The following ANK1 variants were observed in gnomAD, a reference collection of about 807,000 sequenced individuals.
The protein encoded by ANK1 is ankyrin-1.
ANK1 carries 51 observed loss-of-function variants against 210.4 expected under a neutral mutation model. The observed-to-expected ratio is 0.24, with a 90% CI of 0.19 to 0.31. The LOEUF is 0.31. Among genes scored for constraint, ANK1 ranks in the 10% least tolerant of loss-of-function variants. ANK1 has a pLI of 1.00. For missense variants in ANK1, 2,051 were observed against 2,504.4 expected (o/e 0.82, Z 3.86); for synonymous variants, 967 against 1,025.9 (o/e 0.94, Z 1.10).
At chr8:41,857,162 G>A (rs911509938) in intron 1 of ANK1, among the ~76,000 whole-genome samples, 9 of 146,112 alleles carry the variant, frequency 6.2e-5, no homozygotes, top group Non-Finnish European at 1.3e-4. Context: ...TTACAGGCAT[G>A]AGCTACCACT....
intron 1 of ANK1, among the ~76,000 whole-genome samples, chr8:41,849,456 A>G (rs920207993): frequency 2.0e-5 from 3 of 152,096 alleles, no homozygotes; most frequent in Non-Finnish European, 2.9e-5. Flanking sequence ...CCCGGGAGGC[A>G]GAGACTGCAG....
intron 1 of ANK1, among the ~76,000 whole-genome samples, chr8:41,785,915 C>A (rs1293967776): frequency 6.6e-6 from 1 of 152,218 alleles, no homozygotes; most frequent in Non-Finnish European, 1.5e-5. Flanking sequence ...GCTTTCCGCA[C>A]TGTCGGGCAG....
At chr8:41,763,899 T>G (rs1446904477) in intron 1 of ANK1, among the ~76,000 whole-genome samples, 1 of 124,604 alleles carries the variant, frequency 8.0e-6, no homozygotes, top group Non-Finnish European at 1.7e-5. Context: ...CTTTTTTTTT[T>G]TTTTTTTTTT....
chr8:41,856,222 A>G (rs1018758535), intron 1 of ANK1, among the ~76,000 whole-genome samples: 1 of 152,184 alleles, frequency 6.6e-6, no homozygotes, highest in Non-Finnish European at 1.5e-5. Flanking sequence ...GAACTTCTTG[A>G]GAGCTATTTG....
chr8:41,709,995 CATT>C (rs750315770), intron 16 of ANK1, among the ~76,000 whole-genome samples: 1 of 152,218 alleles, frequency 6.6e-6, no homozygotes, highest in Non-Finnish European at 1.5e-5. Context: ...GTTTGCAAGA[CATT>C]ATAATTGCAC....
intron 24 of ANK1, among the ~76,000 whole-genome samples, chr8:41,697,206 T>C (rs1176866385): frequency 6.6e-6 from 1 of 152,212 alleles, no homozygotes; most frequent in African/African-American, 2.4e-5. Context: ...GCGGACTACC[T>C]GCCCTGTGGA....
rs1804740495 is a variant in ANK1 at position 41,653,543 on chromosome 8, G to C, written c.*2247C>G. ...GTGCCAAAGCGGAGTCTGGAGCTGC[G>C]GGGTCCGCGGGGGCGCTAAGGGGGC... On this transcript the variant is annotated 3_prime_UTR_variant, in exon 43 of 43. Transcript: ENST00000289734. The C allele has an allele frequency of 6.5e-6, 1 of 153,258 alleles. No homozygotes were observed. The highest frequency in any genetic ancestry group is 1.5e-5 in the Non-Finnish European group (1 of 68,540). The allele number at this position is 153,258 out of a possible 1,614,324, so 9.5% of individuals were successfully genotyped here.
intron 1 of ANK1, among the ~76,000 whole-genome samples, chr8:41,782,504 GGGAGCAGCGTAC>G: frequency 6.6e-6 from 1 of 152,236 alleles, no homozygotes; most frequent in South Asian, 2.1e-4. Context: ...ATTTCCCAGA[GGGAGCAGCGTAC>G]GGACTGAGTG....
intron 2 of ANK1, among the ~76,000 whole-genome samples, chr8:41,755,738 C>T (rs1838976147): frequency 6.6e-6 from 1 of 152,182 alleles, no homozygotes; most frequent in South Asian, 2.1e-4. Flanking sequence ...TTGCTGCATC[C>T]ACCTCTTGGC....
intron 23 of ANK1, 108 bp from the exon 24 acceptor site, chr8:41,698,229 G>T: frequency 9.0e-7 from 1 of 1,110,894 alleles, no homozygotes; most frequent in South Asian, 1.3e-5. Flanking sequence ...TCCAGAGCCT[G>T]ACTGCGCTTC....
intron 37 of ANK1, among the ~76,000 whole-genome samples, 184 bp from the exon 38 acceptor site, chr8:41,673,096 C>T (rs1051164015): frequency 2.6e-5 from 4 of 152,144 alleles, no homozygotes; most frequent in Non-Finnish European, 5.9e-5. Context: ...GTGGCTGCTG[C>T]CTGGGCATCC....
intron 29 of ANK1, 133 bp from the exon 30 acceptor site, chr8:41,693,334 A>G (rs987885700): frequency 1.5e-5 from 11 of 728,198 alleles, no homozygotes; most frequent in Admixed American, 4.2e-5. Flanking sequence ...TGGGCACCCT[A>G]CCCTCACCCC....
At chr8:41,807,913 A>G (rs1223879243) in intron 1 of ANK1, among the ~76,000 whole-genome samples, 4 of 135,396 alleles carry the variant, frequency 3.0e-5, no homozygotes, top group Non-Finnish European at 6.3e-5. Context: ...AGGAAGGGGG[A>G]CAAAAGAAGG....
At chr8:41,814,174 A>T (rs1214122300) in intron 1 of ANK1, among the ~76,000 whole-genome samples, 1 of 152,146 alleles carries the variant, frequency 6.6e-6, no homozygotes, top group Non-Finnish European at 1.5e-5. Flanking sequence ...AGCCTGGCCA[A>T]CATGGTGAAA....
chr8:41,765,850 C>T (rs1029189203), intron 1 of ANK1, among the ~76,000 whole-genome samples: 4 of 152,120 alleles, frequency 2.6e-5, no homozygotes, highest in African/African-American at 9.7e-5. Flanking sequence ...AAGCACGCTG[C>T]AGAATGTCAA....
At chr8:41,895,905 C>CCCCT (rs1563982135) in intron 1 of ANK1, among the ~76,000 whole-genome samples, 1 of 150,926 alleles carries the variant, frequency 6.6e-6, no homozygotes, top group African/African-American at 2.5e-5. Flanking sequence ...AGAGCTGCCC[C>CCCCT]CCCCCGGCCC....
rs530300128 is a variant in ANK1 at position 41,735,291 on chromosome 8, G to A, written c.130-1222C>T. On this transcript the variant is annotated intron_variant, in intron 2 of 42. Transcript: ENST00000289734. Reference sequence around the variant, plus strand: ...GAAGGAGCAAAATATCAATTCCAACGGATGAGTCGATCTTGGCTCCGTACA... The same window carrying A: ...GAAGGAGCAAAATATCAATTCCAACAGATGAGTCGATCTTGGCTCCGTACA... 3.3e-5 allele frequency among the ~76,000 whole-genome samples: 5 copies of A among 152,284 alleles called. No homozygotes were observed. In the South Asian group the frequency reaches 8.3e-4, roughly 25 times the overall value.
At chr8:41,757,522 T>C (rs569068756) in intron 2 of ANK1, among the ~76,000 whole-genome samples, 140 of 152,284 alleles carry the variant, frequency 9.2e-4, no homozygotes, top group Admixed American at 1.8e-3. Flanking sequence ...CTTGGCTGTG[T>C]CACTCAGGAG....
intron 1 of ANK1, among the ~76,000 whole-genome samples, chr8:41,767,863 G>C (rs1189240571): frequency 6.6e-6 from 1 of 152,222 alleles, no homozygotes; most frequent in African/African-American, 2.4e-5. Flanking sequence ...GACGTGGCCG[G>C]GGTGAGCTCA....
Sources: gnomAD v4.1 joint callset for allele counts (sites outside exome capture counted in the v4.1 genomes callset) on GRCh38, gnomAD v4.1.1 for gene constraint, MANE v1.5 for transcripts, NCBI Gene and HGNC (gene_info 2026-07-23, HGNC 2026-07-21) for gene names.